ARHGAP15: variants seen among roughly 807,000 people sequenced by gnomAD.
ARHGAP15 encodes Rho GTPase activating protein 15.
In ARHGAP15, 51 loss-of-function variants were observed where a neutral mutation model predicts 63.7. The observed-to-expected ratio is 0.80, with a 90% CI of 0.64 to 1.01. The LOEUF (loss-of-function observed/expected upper bound fraction) is 1.01, where lower values mean the gene tolerates loss of function less well. ARHGAP15 is among the 50% of genes least tolerant of loss of function. The pLI is 0.00. For missense variants in ARHGAP15, 560 were observed against 564.6 expected (o/e 0.99, Z 0.08); for synonymous variants, 191 against 193.8 (o/e 0.99, Z 0.12).
chr2:143,616,374 C>T (rs1022685079), intron 11 of ARHGAP15, among the ~76,000 whole-genome samples: 1 of 152,130 alleles, frequency 6.6e-6, no homozygotes, highest in East Asian at 1.9e-4. Flanking sequence ...TCCTAACTAG[C>T]TTCCTGTACT....
chr2:143,384,395 A>G (rs1003881536), intron 6 of ARHGAP15, among the ~76,000 whole-genome samples: 4 of 152,146 alleles, frequency 2.6e-5, no homozygotes, highest in African/African-American at 9.7e-5. Context: ...TCATTTTTAG[A>G]ATAAGGTTTT....
intron 6 of ARHGAP15, among the ~76,000 whole-genome samples, chr2:143,272,732 T>TTC (rs896659922): frequency 6.6e-6 from 1 of 152,202 alleles, no homozygotes; most frequent in Non-Finnish European, 1.5e-5. Context: ...GAGTATTATG[T>TTC]TCTCTCTCTT....
At chr2:143,303,433 G>C (rs1283052770) in intron 6 of ARHGAP15, among the ~76,000 whole-genome samples, 1 of 151,888 alleles carries the variant, frequency 6.6e-6, no homozygotes, top group Non-Finnish European at 1.5e-5. Flanking sequence ...GCTGAAACTG[G>C]ATCCCTTCCT....
chr2:143,751,573 T>C (rs1347351362), intron 13 of ARHGAP15, among the ~76,000 whole-genome samples: 2 of 152,168 alleles, frequency 1.3e-5, no homozygotes, highest in Non-Finnish European at 2.9e-5. Context: ...GCTCTGCAGC[T>C]ACAGCTGGAC....
intron 13 of ARHGAP15, among the ~76,000 whole-genome samples, chr2:143,707,962 G>C (rs980324705): frequency 6.6e-6 from 1 of 152,186 alleles, no homozygotes; most frequent in Non-Finnish European, 1.5e-5. Context: ...TCTTTGAGTT[G>C]TTGGATTGTG....
intron 12 of ARHGAP15, among the ~76,000 whole-genome samples, chr2:143,665,732 A>T (rs1682129934): frequency 6.6e-6 from 1 of 151,076 alleles, no homozygotes; most frequent in Admixed American, 6.6e-5. Flanking sequence ...TCAGGATACA[A>T]AATCAATGTA....
At chr2:143,369,790 A>G (rs1686462653) in intron 6 of ARHGAP15, among the ~76,000 whole-genome samples, 1 of 152,154 alleles carries the variant, frequency 6.6e-6, no homozygotes, top group Admixed American at 6.5e-5. Flanking sequence ...CTTTTCAGAG[A>G]ACGCAGTATT....
At chr2:143,373,319 A>C (rs1219966078) in intron 6 of ARHGAP15, among the ~76,000 whole-genome samples, 1 of 152,136 alleles carries the variant, frequency 6.6e-6, no homozygotes, top group Non-Finnish European at 1.5e-5. Context: ...CTTAACCGTC[A>C]CATTTGCTAT....
intron 5 of ARHGAP15, chr2:143,236,003 C>T (rs1425951287): frequency 1.3e-6 from 2 of 1,538,600 alleles, no homozygotes; most frequent in African/African-American, 1.4e-5. Context: ...TTTGGCAAAT[C>T]TCCATTTTTG....
chr2:143,412,010 T>C (rs1688468008), intron 6 of ARHGAP15, among the ~76,000 whole-genome samples: 1 of 152,086 alleles, frequency 6.6e-6, no homozygotes, highest in African/African-American at 2.4e-5. Flanking sequence ...AGGAGAGGGG[T>C]CAATATGATA....
chr2:143,260,514 C>T (rs1238587547), intron 6 of ARHGAP15, among the ~76,000 whole-genome samples: 1 of 152,086 alleles, frequency 6.6e-6, no homozygotes, highest in African/African-American at 2.4e-5. Context: ...AGTTAATATT[C>T]AGTTTCTAGT....
chr2:143,324,661 T>C (rs750850766), intron 6 of ARHGAP15, among the ~76,000 whole-genome samples: 12 of 152,200 alleles, frequency 7.9e-5, no homozygotes, highest in Admixed American at 2.0e-4. Flanking sequence ...TTTTGTATGC[T>C]GGTCCGTTGT....
intron 9 of ARHGAP15, among the ~76,000 whole-genome samples, chr2:143,508,013 G>A (rs1400748444): frequency 7.1e-6 from 1 of 141,664 alleles, no homozygotes; most frequent in Non-Finnish European, 1.6e-5. Flanking sequence ...ATTTATAAAT[G>A]TAAATCATAT....
intron 6 of ARHGAP15, among the ~76,000 whole-genome samples, chr2:143,413,927 TTGTGTGTGTG>T (rs1553476588): frequency 9.4e-5 from 12 of 127,990 alleles, no homozygotes; most frequent in Non-Finnish European, 1.4e-4. Context: ...AGGTAGGTAG[TTGTGTGTGTG>T]TGTGTGTGTG....
chr2:143,397,263 T>C (rs1374187477), intron 6 of ARHGAP15, among the ~76,000 whole-genome samples: 1 of 135,512 alleles, frequency 7.4e-6, no homozygotes, highest in Non-Finnish European at 1.6e-5. Flanking sequence ...ACAATAATGA[T>C]AAATAAGAAT....
intron 6 of ARHGAP15, among the ~76,000 whole-genome samples, chr2:143,319,372 G>T (rs918438796): frequency 6.6e-6 from 1 of 151,596 alleles, no homozygotes; most frequent in African/African-American, 2.4e-5. Flanking sequence ...TTACAGGCGC[G>T]CATCACCATG....
chr2:143,721,338 G>A (rs904006696), intron 13 of ARHGAP15, among the ~76,000 whole-genome samples: 11 of 152,178 alleles, frequency 7.2e-5, no homozygotes, highest in African/African-American at 2.2e-4. Flanking sequence ...AAATGAAGCA[G>A]AAACATGGAG....
At chr2:143,235,360 G>A (rs1693603649) in intron 5 of ARHGAP15, among the ~76,000 whole-genome samples, 1 of 151,910 alleles carries the variant, frequency 6.6e-6, no homozygotes, top group African/African-American at 2.4e-5. Flanking sequence ...TAGGGAGGGA[G>A]TGCAGGGGCA....
intron 6 of ARHGAP15, among the ~76,000 whole-genome samples, chr2:143,315,265 A>G (rs2105202301): frequency 6.6e-6 from 1 of 152,348 alleles, no homozygotes; most frequent in East Asian, 1.9e-4. Context: ...AGTTCCCTAT[A>G]CATATAACAT....
Sources: allele counts gnomAD v4.1 joint callset (sites outside exome capture counted in the v4.1 genomes callset), GRCh38; gene constraint gnomAD v4.1.1; transcripts MANE v1.5; gene names NCBI Gene and HGNC (gene_info 2026-07-23, HGNC 2026-07-21).